The following CPS1 variants were observed in gnomAD, a reference collection of about 807,000 sequenced individuals.
CPS1 encodes the protein carbamoyl-phosphate synthase [ammonia], mitochondrial.
A neutral mutation model predicts 174.6 loss-of-function variants in CPS1; 109 were observed. The observed-to-expected ratio is 0.62, with a 90% CI of 0.53 to 0.73. The LOEUF is 0.73. Ranked by LOEUF, CPS1 falls within the 30% of genes least tolerant of loss-of-function variation. The probability of loss-of-function intolerance (pLI) is 0.00; values close to 1 mark genes in which losing one functional copy is unlikely to be tolerated. For missense variants in CPS1, 1,689 were observed against 1,821.9 expected (o/e 0.93, Z 1.33); for synonymous variants, 637 against 632.0 (o/e 1.01, Z -0.12).
chr2:210,479,981 A>G (rs1397093775), intron 1 of CPS1, among the ~76,000 whole-genome samples: 1 of 152,196 alleles, frequency 6.6e-6, no homozygotes, highest in Non-Finnish European at 1.5e-5. Context: ...CTCAGACTTT[A>G]ATTTCAAAAT....
rs771715483 is a variant in CPS1, at chr2:210,606,871, A to G, written c.2122A>G (p.Met708Val). The change falls in exon 18 of 38, where the codon ATG (methionine) becomes GTG (valine). Residue 708 changes from methionine (M) to valine (V), a missense_variant. Coordinates refer to ENST00000233072, the MANE Select transcript of CPS1 (RefSeq NM_001875.5). ...NIQFALHPTS[M>V]EYCIIEVNAR... ...TCAGTTTGCCCTTCATCCTACCTCAATGGAATACTGCATCATTGAAGTGAA... is the reference window on the plus strand; with the variant it reads ...TCAGTTTGCCCTTCATCCTACCTCAGTGGAATACTGCATCATTGAAGTGAA... 41 of 1,612,630 alleles carry G rather than the reference A, an allele frequency of 2.5e-5. No homozygotes were observed. The highest frequency in any genetic ancestry group is 1.6e-4 in the East Asian group (7 of 44,800).
chr2:210,544,769 G>A (rs1696519184), intron 1 of CPS1, among the ~76,000 whole-genome samples: 1 of 151,990 alleles, frequency 6.6e-6, no homozygotes, highest in Non-Finnish European at 1.5e-5. Context: ...GCATTCTGAA[G>A]TATAATATAA....
At chr2:210,568,400 A>G (rs1465861363) in intron 1 of CPS1, among the ~76,000 whole-genome samples, 2 of 152,116 alleles carry the variant, frequency 1.3e-5, no homozygotes, top group Admixed American at 6.6e-5. Flanking sequence ...AGCCTTAACT[A>G]TATTTCATAG....
Position 210,660,619 on chromosome 2 carries a change from C to G in CPS1, c.3891C>G (p.Asp1297Glu), listed in dbSNP as rs1253866917. Residue 1297 changes from aspartate to glutamate, a missense_variant, in exon 32 of 38, where the codon GAC becomes GAG. Physicochemically the swap from Asp to Glu is conservative, Grantham distance 45 (BLOSUM62 2). Transcript: ENST00000233072. ...ATGAGAAACATCTTCCAACATTGGACCATCCCATAATTCCTGCTGACTATG... is the reference window on the plus strand; with the variant it reads ...ATGAGAAACATCTTCCAACATTGGAGCATCCCATAATTCCTGCTGACTATG... The part of the protein sequence containing the change: ...NVDEKHLPTL[D>E]HPIIPADYVA... The G allele has an allele frequency of 6.2e-7, 1 of 1,614,090 alleles. No homozygotes were observed. Among genetic ancestry groups the G allele is most frequent in the East Asian group, 2.2e-5 (1 of 44,868 alleles).
chr2:210,576,939 A>C (rs903158020), intron 3 of CPS1, among the ~76,000 whole-genome samples: 1 of 152,162 alleles, frequency 6.6e-6, no homozygotes, highest in Non-Finnish European at 1.5e-5. Context: ...CTCTCTTAGG[A>C]ATATATATCA....
At chr2:210,506,149 G>A (rs1456815689) in intron 1 of CPS1, among the ~76,000 whole-genome samples, 1 of 152,184 alleles carries the variant, frequency 6.6e-6, no homozygotes, top group Non-Finnish European at 1.5e-5. Context: ...GGGGCAGACT[G>A]ACACCTCACA....
intron 21 of CPS1, among the ~76,000 whole-genome samples, chr2:210,625,419 T>C (rs1490990893): frequency 2.0e-5 from 3 of 152,072 alleles, no homozygotes; most frequent in African/African-American, 7.2e-5. Flanking sequence ...CAAAAGCTCT[T>C]AGCTAACTTT....
chr2:210,582,648 G>A lies in CPS1; in HGVS notation c.560G>A (p.Gly187Asp), dbSNP rs1697962157. 1 of 1,613,370 alleles carries A rather than the reference G, an allele frequency of 6.2e-7. No individual in the cohort carries two copies. Among genetic ancestry groups the A allele is most frequent in the Non-Finnish European group, 8.5e-7 (1 of 1,179,522 alleles). ...ATGCTTGGGAAGATTGAATTTGAAG[G>A]TCAGCCTGTGGATTTTGTGGATCCA... Reference protein sequence around the residue: ...GTMLGKIEFEGQPVDFVDPNK... With the variant: ...GTMLGKIEFEDQPVDFVDPNK... The change falls in exon 6 of 38, where the codon GGT (glycine) becomes GAT (aspartate). Residue 187 changes from glycine (G) to aspartate (D), a missense_variant. Coordinates refer to ENST00000233072, the MANE Select transcript of CPS1 (RefSeq NM_001875.5).
chr2:210,639,254 A>G (rs1203784663), intron 23 of CPS1, 39 bp downstream of exon 23: 1 of 1,425,064 alleles, frequency 7.0e-7, no homozygotes, highest in African/African-American at 1.4e-5. Flanking sequence ...AAAGCTCTAG[A>G]TTTCATAGAC....
intron 14 of CPS1, among the ~76,000 whole-genome samples, chr2:210,599,856 T>G (rs1310738960): frequency 3.3e-5 from 5 of 151,990 alleles, no homozygotes; most frequent in Non-Finnish European, 4.4e-5. Flanking sequence ...CTGTTGCTAT[T>G]GAGGTCTTGA....
chr2:210,653,193 G>A (rs1440091530), intron 28 of CPS1, among the ~76,000 whole-genome samples: 2 of 152,174 alleles, frequency 1.3e-5, no homozygotes, highest in Non-Finnish European at 2.9e-5. Context: ...ATGGAAGCAA[G>A]TGAATGCAGG....
intron 34 of CPS1, chr2:210,672,684 C>A (rs1410252476): frequency 6.6e-6 from 1 of 152,096 alleles, no homozygotes; most frequent in Non-Finnish European, 1.5e-5. Context: ...GAGCTTCTTG[C>A]ATCTAAGCTC....
chr2:210,579,924 T>C (rs1181248147), intron 5 of CPS1, 154 bp downstream of exon 5: 1 of 668,624 alleles, frequency 1.5e-6, no homozygotes, highest in Non-Finnish European at 2.7e-6. Context: ...TATTTTGTTT[T>C]ACTATTTTCA....
chr2:210,571,575 C>T (rs1011930480), intron 1 of CPS1, among the ~76,000 whole-genome samples: 9 of 151,852 alleles, frequency 5.9e-5, no homozygotes, highest in Admixed American at 4.6e-4. Context: ...AATAGGTATA[C>T]ACACTCACAC....
At chr2:210,628,114 C>T (rs1015773805) in intron 21 of CPS1, among the ~76,000 whole-genome samples, 40 of 152,146 alleles carry the variant, frequency 2.6e-4, no homozygotes, top group African/African-American at 9.4e-4. Context: ...AATGTAATGG[C>T]CATCACAGCA....
intron 24 of CPS1, among the ~76,000 whole-genome samples, chr2:210,641,757 A>C (rs1216122941): frequency 6.6e-6 from 1 of 152,248 alleles, no homozygotes; most frequent in Non-Finnish European, 1.5e-5. Context: ...TGCCATTAAT[A>C]TGCCAGTATA....
chr2:210,632,339 G>A (rs1574619388), intron 21 of CPS1, among the ~76,000 whole-genome samples: 1 of 152,298 alleles, frequency 6.6e-6, no homozygotes, highest in African/African-American at 2.4e-5. Flanking sequence ...TATGCATCTT[G>A]TATTTATTTG....
chr2:210,529,280 G>A (rs1696057050), intron 1 of CPS1, among the ~76,000 whole-genome samples: 1 of 151,916 alleles, frequency 6.6e-6, no homozygotes, highest in Non-Finnish European at 1.5e-5. Context: ...TAAATTGAGT[G>A]ACTCAGAGAG....
chr2:210,602,155 C>T, intron 15 of CPS1, 47 bp from the exon 16 acceptor site: 1 of 1,608,876 alleles, frequency 6.2e-7, no homozygotes, highest in Admixed American at 1.7e-5. Flanking sequence ...TCTGTTCTGC[C>T]AGTGTGCTCA....
Sources: allele counts gnomAD v4.1 joint callset (sites outside exome capture counted in the v4.1 genomes callset), GRCh38; gene constraint gnomAD v4.1.1; transcripts MANE v1.5; gene names NCBI Gene and HGNC (gene_info 2026-07-23, HGNC 2026-07-21).